The following RXFP2 variants were observed in gnomAD, a reference collection of about 807,000 sequenced individuals.
The protein encoded by RXFP2 is relaxin family peptide receptor 2, also known as relaxin receptor 2.
Under a neutral mutation model 88.6 loss-of-function variants are expected in RXFP2, and 68 were observed. The observed-to-expected ratio is 0.77, with a 90% CI of 0.63 to 0.94. RXFP2 has a LOEUF of 0.94. Among genes scored for constraint, RXFP2 ranks in the 40% least tolerant of loss-of-function variants. RXFP2 has a pLI of 0.00. For missense variants in RXFP2, 791 were observed against 893.9 expected, an observed-to-expected ratio of 0.88 and a Z score of 1.47; for synonymous variants, 329 against 306.8, an observed-to-expected ratio of 1.07 and a Z score of -0.76.
intron 16 of RXFP2, among the ~76,000 whole-genome samples, chr13:31,796,896 C>A (rs908435275): frequency 2.6e-5 from 4 of 152,314 alleles, no homozygotes; most frequent in Non-Finnish European, 5.9e-5. Context: ...ACACCTGAAG[C>A]TTTTGCTGTC....
intron 5 of RXFP2, among the ~76,000 whole-genome samples, chr13:31,769,334 T>A (rs1014290808): frequency 2.6e-5 from 4 of 152,028 alleles, no homozygotes; most frequent in African/African-American, 2.4e-5. Context: ...ATTCCTAAAT[T>A]TACCCCCAAG....
chr13:31,768,359 T>C (rs1872625688), intron 5 of RXFP2, among the ~76,000 whole-genome samples: 1 of 152,134 alleles, frequency 6.6e-6, no homozygotes, highest in African/African-American at 2.4e-5. Flanking sequence ...CACAGGGGGA[T>C]AAAACACAAT....
At chr13:31,742,554 ATG>A (rs1326574562) in intron 1 of RXFP2, among the ~76,000 whole-genome samples, 4 of 152,100 alleles carry the variant, frequency 2.6e-5, no homozygotes, top group Non-Finnish European at 5.9e-5. Context: ...ACCTTTAGAG[ATG>A]TGTTATCTCT....
At chr13:31,800,951 T>C (rs993275309) in intron 17 of RXFP2, among the ~76,000 whole-genome samples, 1 of 151,548 alleles carries the variant, frequency 6.6e-6, no homozygotes, top group African/African-American at 2.4e-5. Flanking sequence ...GAAGAGAAGA[T>C]AGGATAGGAA....
intron 1 of RXFP2, among the ~76,000 whole-genome samples, chr13:31,748,968 G>A (rs1871544978): frequency 6.6e-6 from 1 of 152,154 alleles, no homozygotes. Context: ...CTGCACTCCA[G>A]TCTGGTGACA....
chr13:31,768,465 G>A (rs1872629243), intron 5 of RXFP2, among the ~76,000 whole-genome samples: 1 of 152,136 alleles, frequency 6.6e-6, no homozygotes, highest in Non-Finnish European at 1.5e-5. Context: ...GTGAGGTGGG[G>A]CAGACACCGT....
chr13:31,791,023 T>C (rs1256612014), intron 14 of RXFP2, among the ~76,000 whole-genome samples: 1 of 151,784 alleles, frequency 6.6e-6, no homozygotes, highest in East Asian at 1.9e-4. Flanking sequence ...AAAAAATGAA[T>C]TAAACTGACA....
At chr13:31,795,987 A>G (rs1874017068) in intron 16 of RXFP2, among the ~76,000 whole-genome samples, 1 of 151,618 alleles carries the variant, frequency 6.6e-6, no homozygotes, top group Non-Finnish European at 1.5e-5. Flanking sequence ...ATTTACTGTA[A>G]GAAACATGAA....
At chr13:31,779,841 T>G (rs1336747979) in intron 9 of RXFP2, among the ~76,000 whole-genome samples, 1 of 152,232 alleles carries the variant, frequency 6.6e-6, no homozygotes, top group African/African-American at 2.4e-5. Context: ...TATTTTCTGA[T>G]GTTTATTTTT....
intron 5 of RXFP2, among the ~76,000 whole-genome samples, chr13:31,769,858 A>G (rs2138422520): frequency 6.6e-6 from 1 of 152,216 alleles, no homozygotes; most frequent in East Asian, 1.9e-4. Flanking sequence ...CGGAGTGTGA[A>G]GGTCTTTTTG....
At chr13:31,778,120 T>A (rs1255749232) in intron 8 of RXFP2, among the ~76,000 whole-genome samples, 2 of 152,206 alleles carry the variant, frequency 1.3e-5, no homozygotes, top group Non-Finnish European at 2.9e-5. Context: ...TGTGGCCCTT[T>A]AATATTATAA....
chr13:31,778,421 C>T, intron 8 of RXFP2, 91 bp from the exon 9 acceptor site: 1 of 857,492 alleles, frequency 1.2e-6, no homozygotes, highest in Non-Finnish European at 1.9e-6. Flanking sequence ...TTAATTTTAG[C>T]ACGCAAGTTT....
chr13:31,786,289 G>A, intron 11 of RXFP2, 94 bp from the exon 12 acceptor site: 1 of 951,996 alleles, frequency 1.1e-6, no homozygotes, highest in South Asian at 1.3e-5. Context: ...CATATTTTCT[G>A]TTACATCAAA....
At chr13:31,751,269 G>A (rs1382200083) in intron 1 of RXFP2, among the ~76,000 whole-genome samples, 1 of 152,046 alleles carries the variant, frequency 6.6e-6, no homozygotes, top group Non-Finnish European at 1.5e-5. Context: ...TCCAGCCTCG[G>A]CAACAAGAGT....
chr13:31,771,791 T>TAAAAA (rs112121434), intron 5 of RXFP2, among the ~76,000 whole-genome samples: 1 of 144,428 alleles, frequency 6.9e-6, no homozygotes, highest in African/African-American at 2.6e-5. Flanking sequence ...AACTCTGTCT[T>TAAAAA]AAAAAAAAAA....
chr13:31,785,522 T>G (rs1291963273), intron 11 of RXFP2, among the ~76,000 whole-genome samples: 2 of 151,750 alleles, frequency 1.3e-5, no homozygotes, highest in Non-Finnish European at 2.9e-5. Flanking sequence ...TCTCTGCACT[T>G]CTATAATAGC....
chr13:31,767,912 G>A (rs761966191), intron 5 of RXFP2, among the ~76,000 whole-genome samples: 3 of 152,080 alleles, frequency 2.0e-5, no homozygotes, highest in Non-Finnish European at 2.9e-5. Context: ...GGAGGGGGCG[G>A]AGTCACTAGA....
At chr13:31,784,930 C>A (rs7990977) in intron 11 of RXFP2, among the ~76,000 whole-genome samples, 24,371 of 152,068 alleles carry the variant, frequency 0.16, 1,976 homozygotes, top group African/African-American at 0.2. Flanking sequence ...TCTTCCTCCC[C>A]CAACTCCCAG....
rs761975267 is a variant in RXFP2, at chr13:31,797,168, C to A, written c.1787-33C>A. 22 of 1,431,210 alleles carry A rather than the reference C, an allele frequency of 1.5e-5. 1 individual carries two copies. In the South Asian group the frequency reaches 2.5e-4, roughly 16 times the overall value. 88.7% of individuals were successfully genotyped at this position (1,431,210 alleles called of 1,614,324 possible). The stretch of plus-strand genomic sequence containing the variant: ...AGTAATTTTACTGTTGACTTTTACG[C>A]CTGAGATGTTAAAAGTGTGCTTTTC... On this transcript the variant is annotated intron_variant, in intron 16 of 17. Transcript: ENST00000298386.
Sources: allele counts gnomAD v4.1 joint callset (sites outside exome capture counted in the v4.1 genomes callset), GRCh38; gene constraint gnomAD v4.1.1; transcripts MANE v1.5; gene names NCBI Gene and HGNC (gene_info 2026-07-23, HGNC 2026-07-21).